Variants in CAMSAP2 observed in about 807,000 individuals in gnomAD.
The protein encoded by CAMSAP2 is calmodulin-regulated spectrin-associated protein 2.
A neutral mutation model predicts 146.1 loss-of-function variants in CAMSAP2; 26 were observed. That is an observed-to-expected ratio of 0.18 (90% CI 0.13 to 0.25). CAMSAP2 has a LOEUF of 0.25. CAMSAP2 is among the 10% of genes least tolerant of loss of function. The pLI, the probability that CAMSAP2 is intolerant of heterozygous loss-of-function variation, is 1.00. For synonymous variants in CAMSAP2, 499 were observed against 596.6 expected (o/e 0.84, Z 2.38); for missense variants, 1,381 against 1,759.3 (o/e 0.78, Z 3.85).
chr1:200,855,586 T>C lies in CAMSAP2; in HGVS notation c.3897-424T>C, dbSNP rs1204798832. Among the ~76,000 whole-genome samples, 5 of 149,256 alleles carry C rather than the reference T, an allele frequency of 3.3e-5. No homozygotes were observed. In the East Asian group the frequency reaches 1.0e-3, roughly 30 times the overall value. ...TGCGAATAAGACAAACAATGTTATA[T>C]TATTTTTTATTATTAATTTTTTTTT... On this transcript the variant is annotated intron_variant, in intron 14 of 16. Transcript: ENST00000358823.
intron 6 of CAMSAP2, among the ~76,000 whole-genome samples, chr1:200,833,870 GT>G (rs1183949959): frequency 1.3e-5 from 2 of 152,144 alleles, no homozygotes; most frequent in East Asian, 3.9e-4. Context: ...TTGAAATTTA[GT>G]TTGTTTATTC....
chr1:200,831,452 G>C (rs1177744018), intron 4 of CAMSAP2, among the ~76,000 whole-genome samples: 1 of 152,118 alleles, frequency 6.6e-6, no homozygotes, highest in African/African-American at 2.4e-5. Flanking sequence ...TCTGAACCAG[G>C]ATCTGAATTT....
At chr1:200,843,554 A>G (rs1179395986) in intron 7 of CAMSAP2, among the ~76,000 whole-genome samples, 1 of 152,244 alleles carries the variant, frequency 6.6e-6, no homozygotes, top group East Asian at 1.9e-4. Context: ...AATTATTAAC[A>G]GGGTTTTCAC....
chr1:200,837,963 G>A (rs1667225190), intron 6 of CAMSAP2, among the ~76,000 whole-genome samples: 1 of 152,116 alleles, frequency 6.6e-6, no homozygotes, highest in African/African-American at 2.4e-5. Flanking sequence ...TCAGCTTAAG[G>A]AGCTTTTGGG....
intron 13 of CAMSAP2, among the ~76,000 whole-genome samples, chr1:200,854,308 G>T (rs79263210): frequency 0.1 from 15,228 of 152,114 alleles, 865 homozygotes; most frequent in Middle Eastern, 0.13. Flanking sequence ...AAAAATCTTG[G>T]GGGGCAGGGA....
At chr1:200,856,696 A>C (rs1252865877) in intron 15 of CAMSAP2, among the ~76,000 whole-genome samples, 1 of 152,222 alleles carries the variant, frequency 6.6e-6, no homozygotes, top group Non-Finnish European at 1.5e-5. Flanking sequence ...ATAGGAAGGC[A>C]TGGGAGAACA....
chr1:200,746,404 C>G (rs1664324834), intron 1 of CAMSAP2, among the ~76,000 whole-genome samples: 1 of 151,896 alleles, frequency 6.6e-6, no homozygotes, highest in Non-Finnish European at 1.5e-5. Context: ...AAGATTGATT[C>G]TATTTTGTGA....
intron 4 of CAMSAP2, among the ~76,000 whole-genome samples, chr1:200,831,483 A>G (rs1209847834): frequency 1.3e-5 from 2 of 152,212 alleles, no homozygotes; most frequent in Non-Finnish European, 2.9e-5. Flanking sequence ...CTATTACAGC[A>G]TGTCTCATTT....
chr1:200,789,659 T>C (rs1665694252), intron 2 of CAMSAP2, among the ~76,000 whole-genome samples: 1 of 152,208 alleles, frequency 6.6e-6, no homozygotes, highest in African/African-American at 2.4e-5. Context: ...TGCCTCTCCA[T>C]GTAAACTTTA....
Position 200,771,035 on chromosome 1 carries a change from T to G in CAMSAP2, c.399+9937T>G, listed in dbSNP as rs138532492. Among the ~76,000 whole-genome samples the G allele has an allele frequency of 5.3e-5, 8 of 152,304 alleles. No homozygotes were observed. The East Asian group carries it at 1.3e-3, about 26-fold the overall frequency. ...CATCCTTTTTCCTGTCCTTGTGGAT[T>G]ATACCATGTATTGATTCCGGAAAGA... On this transcript the variant is annotated intron_variant, in intron 2 of 16. Transcript: ENST00000358823.
chr1:200,760,140 T>G (rs1489795244), intron 1 of CAMSAP2, among the ~76,000 whole-genome samples: 1 of 152,144 alleles, frequency 6.6e-6, no homozygotes, highest in African/African-American at 2.4e-5. Flanking sequence ...CTACTTATGT[T>G]TTAGTCGAAC....
intron 1 of CAMSAP2, among the ~76,000 whole-genome samples, chr1:200,748,138 A>C (rs1474304399): frequency 6.6e-6 from 1 of 152,198 alleles, no homozygotes; most frequent in Non-Finnish European, 1.5e-5. Context: ...TGATTATAGA[A>C]AATCTCAAAT....
At chr1:200,818,749 G>C (rs540275945) in intron 4 of CAMSAP2, among the ~76,000 whole-genome samples, 17 of 152,106 alleles carry the variant, frequency 1.1e-4, no homozygotes, top group African/African-American at 3.9e-4. Flanking sequence ...TTCCATTCTT[G>C]GTTTTTAATT....
At position 200,854,846 on chromosome 1, in the gene CAMSAP2, A is replaced by G. The variant is rs928679641; in HGVS notation, c.3853A>G (p.Thr1285Ala). The change falls in exon 14 of 17, where the codon ACG becomes GCG. Residue 1285 changes from threonine to alanine, a missense_variant. Around this residue, in one of 4 missense-constraint regions of CAMSAP2, gnomAD observed 560 missense variants for 715.9 expected, o/e 0.78. Coordinates refer to ENST00000358823, the MANE Select transcript of CAMSAP2 (RefSeq NM_203459.4). The stretch of plus-strand genomic sequence containing the variant: ...TAGCCTTTCTTTGGCATCGCTGAAC[A>G]CGGGTGATAACGAGAGTGTACATTC... ...VSSLSLASLN[T>A]GDNESVHSGK... is the part of the protein sequence containing the mutation. 21 of 1,612,262 alleles carry G rather than the reference A, an allele frequency of 1.3e-5. No individual in the cohort carries two copies. In the African/African-American group the frequency reaches 2.4e-4, roughly 18 times the overall value.
chr1:200,855,227 A>G lies in CAMSAP2; in HGVS notation c.3896+338A>G, dbSNP rs537116448. On this transcript the variant is annotated intron_variant, in intron 14 of 16. Coordinates refer to ENST00000358823, the MANE Select transcript of CAMSAP2 (RefSeq NM_203459.4). ...CACAGTCAGTAGAATGAGAGTACCA[A>G]CTTCTCTAGTCTATTACCAACTAAG... Among the ~76,000 whole-genome samples, 12 of 152,206 alleles carry G rather than the reference A, an allele frequency of 7.9e-5. 1 individual carries two copies. In the South Asian group the frequency reaches 2.5e-3, roughly 32 times the overall value.
chr1:200,857,416 A>T lies in CAMSAP2; in HGVS notation c.4123A>T (p.Ile1375Leu). The change falls in exon 16 of 17, where the codon ATA becomes TTA. Residue 1375 changes from isoleucine to leucine, a missense_variant. Physicochemically the swap from Ile to Leu is conservative, Grantham distance 5. Transcript: ENST00000358823. This position sits in a 1 kb window ranked among gnomAD's most constrained non-coding sequence, Gnocchi z 4.7. ...GKVNEGQKKK[I>L]LEEMEKSDAN... is the part of the protein sequence containing the mutation. ...AGTAAATGAAGGTCAGAAGAAAAAA[A>T]TACTGGAGGTAAGCATGTTTGCATG... The T allele has an allele frequency of 6.2e-7, 1 of 1,601,094 alleles. No individual in the cohort carries two copies. Among genetic ancestry groups the T allele is most frequent in the Non-Finnish European group, 8.6e-7 (1 of 1,168,264 alleles).
chr1:200,783,595 T>C (rs542383061), intron 2 of CAMSAP2, among the ~76,000 whole-genome samples: 68 of 152,108 alleles, frequency 4.5e-4, no homozygotes, highest in African/African-American at 1.6e-3. Flanking sequence ...CAATCCTCCC[T>C]CTTCAGCCTC....
At chr1:200,852,816 A>G in intron 12 of CAMSAP2, 139 bp downstream of exon 12, 1 of 839,062 alleles carries the variant, frequency 1.2e-6, no homozygotes, top group Non-Finnish European at 1.7e-6. Flanking sequence ...AGTTTGTAGT[A>G]TAGATAGACA....
At chr1:200,845,934 A>G (rs953309547) in intron 8 of CAMSAP2, among the ~76,000 whole-genome samples, 25 of 152,182 alleles carry the variant, frequency 1.6e-4, no homozygotes, top group African/African-American at 5.5e-4. Flanking sequence ...TATGATAGGG[A>G]CATTAGTTTG....
Sources: gnomAD v4.1 joint callset for allele counts (sites outside exome capture counted in the v4.1 genomes callset) on GRCh38, gnomAD v4.1.1 for gene constraint, gnomAD v4.1.1 regional missense constraint, Gnocchi (gnomAD v3.1) non-coding constraint, MANE v1.5 for transcripts, NCBI Gene and HGNC (gene_info 2026-07-23, HGNC 2026-07-21) for gene names.